FLRT2: variants seen among roughly 807,000 people sequenced by gnomAD.
The protein encoded by FLRT2 is fibronectin leucine rich transmembrane protein 2.
FLRT2 carries 15 observed loss-of-function variants against 40.0 expected under a neutral mutation model. The ratio of observed to expected loss-of-function variants is 0.38; its 90% CI spans 0.25 to 0.58. The LOEUF (loss-of-function observed/expected upper bound fraction) is 0.58. Ranked by LOEUF, FLRT2 falls within the 20% of genes least tolerant of loss-of-function variation. The pLI is 0.71. For missense variants in FLRT2, 726 were observed against 840.0 expected, an observed-to-expected ratio of 0.86 and a Z score of 1.68; for synonymous variants, 380 against 336.8, an observed-to-expected ratio of 1.13 and a Z score of -1.41.
chr14:85,562,378 A>G (rs1890388441), intron 1 of FLRT2, among the ~76,000 whole-genome samples: 1 of 152,196 alleles, frequency 6.6e-6, no homozygotes, highest in Non-Finnish European at 1.5e-5. Context: ...GGCATTTGGC[A>G]TCAAGAAGAC....
intron 1 of FLRT2, among the ~76,000 whole-genome samples, chr14:85,593,940 G>A (rs1311494209): frequency 6.6e-6 from 1 of 152,068 alleles, no homozygotes; most frequent in African/African-American, 2.4e-5. Context: ...TACTCCAGAG[G>A]CTGAGGCAGG....
chr14:85,587,551 C>G (rs544968536), intron 1 of FLRT2, among the ~76,000 whole-genome samples: 18 of 151,960 alleles, frequency 1.2e-4, no homozygotes, highest in Non-Finnish European at 2.4e-4. Flanking sequence ...CCAACTATGT[C>G]AACAAATTAA....
intron 1 of FLRT2, among the ~76,000 whole-genome samples, chr14:85,565,253 G>GC (rs140977066): frequency 0.022 from 3,408 of 152,258 alleles, 101 homozygotes; most frequent in East Asian, 0.1. Context: ...TATTGTTTTT[G>GC]CATAGGAGTG....
At chr14:85,550,332 A>G (rs1435166578) in intron 1 of FLRT2, among the ~76,000 whole-genome samples, 4 of 152,204 alleles carry the variant, frequency 2.6e-5, no homozygotes, top group Admixed American at 6.5e-5. Flanking sequence ...ACTCTTAGAA[A>G]ACCCTAGGGA....
Position 85,628,279 on chromosome 14 carries a change from C to CA in FLRT2, c.*4786dup, listed in dbSNP as rs1893776152. The CA allele has an allele frequency of 6.6e-6, 1 of 152,034 alleles. No homozygotes were observed. The highest frequency in any genetic ancestry group is 2.4e-5 in the African/African-American group (1 of 41,412). 9.4% of individuals were successfully genotyped at this position (152,034 alleles called of 1,614,324 possible). On this transcript the variant is annotated 3_prime_UTR_variant, in exon 2 of 2. Transcript: ENST00000330753. ...ATCAGAATAGGCTTTTCCCCTATTTCAAAATAGATGCTATTGGCTTTATTT... is the reference window on the plus strand; with the variant it reads ...ATCAGAATAGGCTTTTCCCCTATTTCAAAAATAGATGCTATTGGCTTTATTT...
intron 1 of FLRT2, among the ~76,000 whole-genome samples, chr14:85,620,310 A>T (rs1835847122): frequency 2.0e-5 from 3 of 152,126 alleles, no homozygotes; most frequent in Non-Finnish European, 4.4e-5. Flanking sequence ...GACATATGTT[A>T]GGTAACAAAA....
rs1268243326 is a variant in FLRT2, at chr14:85,633,187, G to A, written c.*9690G>A. On this transcript the variant is annotated 3_prime_UTR_variant, in exon 2 of 2. Transcript: ENST00000330753. ...CTCAAAACACTCAATAATTTGCACA[G>A]CTATTATCAAGATGGGTCTGTCAGA... 1.3e-5 allele frequency: 2 copies of A among 152,124 alleles called. No homozygotes were observed. Among genetic ancestry groups the A allele is most frequent in the East Asian group, 3.9e-4 (2 of 5,174 alleles). 9.4% of individuals were successfully genotyped at this position (152,124 alleles called of 1,614,324 possible). A position where few individuals can be genotyped will look rare whatever the true frequency, so the allele number is the denominator to read the frequency against.
At chr14:85,562,173 A>G (rs1890372086) in intron 1 of FLRT2, among the ~76,000 whole-genome samples, 1 of 152,238 alleles carries the variant, frequency 6.6e-6, no homozygotes, top group African/African-American at 2.4e-5. Context: ...TGAGAAAGTA[A>G]GTAACAATGC....
In FLRT2 at chr14:85,623,236, C is replaced by G. The variant is rs764693495; in HGVS notation, c.1722C>G (p.Ser574=). ...WHMHKKGRYT[S]QKWKYNRGRR... ...TGCACAAAAAGGGGCGCTACACCTC[C>G]CAGAAGTGGAAATACAACCGGGGCC... is the stretch of plus-strand genomic sequence containing the variant. Residue 574 remains serine (S), a synonymous_variant, in exon 2 of 2, where the codon TCC becomes TCG. Coordinates refer to ENST00000330753, the MANE Select transcript of FLRT2 (RefSeq NM_013231.6). 6.6e-7 allele frequency: 1 copy of G among 1,521,006 alleles called. No homozygotes were observed. The highest frequency in any genetic ancestry group is 8.8e-7 in the Non-Finnish European group (1 of 1,135,422). 94.2% of individuals were successfully genotyped at this position (1,521,006 alleles called of 1,614,324 possible).
At chr14:85,545,307 G>A (rs1889218258) in intron 1 of FLRT2, among the ~76,000 whole-genome samples, 1 of 152,192 alleles carries the variant, frequency 6.6e-6, no homozygotes, top group Non-Finnish European at 1.5e-5. Flanking sequence ...ACCTTGTACA[G>A]TAGGTTCTGT....
At chr14:85,545,548 T>G (rs1386805461) in intron 1 of FLRT2, among the ~76,000 whole-genome samples, 3 of 152,224 alleles carry the variant, frequency 2.0e-5, no homozygotes, top group African/African-American at 7.2e-5. Context: ...TGCTAACCAG[T>G]GGTCCAACTT....
chr14:85,585,491 G>A (rs765297277), intron 1 of FLRT2, among the ~76,000 whole-genome samples: 1 of 152,108 alleles, frequency 6.6e-6, no homozygotes, highest in Non-Finnish European at 1.5e-5. Flanking sequence ...GATCATTAAT[G>A]TAAGGTAAGT....
chr14:85,558,874 G>A (rs903208634), intron 1 of FLRT2, among the ~76,000 whole-genome samples: 22 of 152,270 alleles, frequency 1.4e-4, no homozygotes, highest in African/African-American at 4.6e-4. Flanking sequence ...AATAACCTTC[G>A]GGAAATAATG....
rs1288756533 is a variant in FLRT2, at chr14:85,619,560, T to G, written c.-376-1579T>G. On this transcript the variant is annotated intron_variant, in intron 1 of 1. Transcript: ENST00000330753. ...ACAATCTTTTAAATTATAGAACACA[T>G]TTACAACATCCTTGACACTTAAATA... is the stretch of plus-strand genomic sequence containing the variant. Among the ~76,000 whole-genome samples, 4 of 152,222 alleles carry G rather than the reference T, an allele frequency of 2.6e-5. No homozygotes were observed. The East Asian group carries it at 7.7e-4, about 29-fold the overall frequency.
chr14:85,534,369 T>G (rs890971539), intron 1 of FLRT2, among the ~76,000 whole-genome samples: 3 of 152,200 alleles, frequency 2.0e-5, no homozygotes, highest in Non-Finnish European at 2.9e-5. Context: ...TAAAAAATGA[T>G]TTGAGCCCAC....
intron 1 of FLRT2, among the ~76,000 whole-genome samples, chr14:85,620,611 G>A (rs185322274): frequency 3.7e-4 from 57 of 152,190 alleles, no homozygotes; most frequent in Non-Finnish European, 7.2e-4. Context: ...TAATACATTT[G>A]GAATAACTTT....
At chr14:85,563,684 A>G (rs1471478796) in intron 1 of FLRT2, among the ~76,000 whole-genome samples, 1 of 152,134 alleles carries the variant, frequency 6.6e-6, no homozygotes, top group African/African-American at 2.4e-5. Context: ...CCCTTCTCCA[A>G]TGTGGGGATT....
chr14:85,563,383 G>A (rs1302614683), intron 1 of FLRT2, among the ~76,000 whole-genome samples: 1 of 152,176 alleles, frequency 6.6e-6, no homozygotes, highest in Non-Finnish European at 1.5e-5. Context: ...TCACACTGCT[G>A]TAATAAGCTA....
chr14:85,590,751 C>T (rs1178787980), intron 1 of FLRT2, among the ~76,000 whole-genome samples: 3 of 152,146 alleles, frequency 2.0e-5, no homozygotes, highest in Non-Finnish European at 4.4e-5. Context: ...GTGCCCACCA[C>T]CATGCCTGGC....
Sources: gnomAD v4.1 joint callset for allele counts (sites outside exome capture counted in the v4.1 genomes callset) on GRCh38, gnomAD v4.1.1 for gene constraint, MANE v1.5 for transcripts, NCBI Gene and HGNC (gene_info 2026-07-23, HGNC 2026-07-21) for gene names.